Variants in PSD2 observed in about 807,000 individuals in gnomAD.
PSD2 encodes the protein pleckstrin and Sec7 domain containing 2, also known as PH and SEC7 domain-containing protein 2.
In PSD2, 38 loss-of-function variants were observed where a neutral mutation model predicts 69.8. The observed-to-expected ratio is 0.54, with a 90% CI of 0.42 to 0.71. PSD2 has a LOEUF of 0.71. Among genes scored for constraint, PSD2 ranks in the 30% least tolerant of loss-of-function variants. The pLI is 0.00. For missense variants in PSD2, 943 were observed against 1,014.5 expected (o/e 0.93, Z 0.96); for synonymous variants, 412 against 423.0 (o/e 0.97, Z 0.32).
intron 14 of PSD2, among the ~76,000 whole-genome samples, chr5:139,842,040 G>A (rs756795024): frequency 3.3e-5 from 5 of 152,084 alleles, no homozygotes; most frequent in Non-Finnish European, 7.4e-5. Context: ...TGTTGCCTGG[G>A]TTTTTGGTGT....
chr5:139,766,911 T>C, the PSD2 span, among the ~76,000 whole-genome samples: 1,512 of 31,014 alleles, frequency 0.049, 88 homozygotes, highest in African/African-American at 0.11. Flanking sequence ...TTCCCTCCCT[T>C]CCTTCCTTCC....
At chr5:139,744,683 C>T in the PSD2 span, among the ~76,000 whole-genome samples, 5 of 152,186 alleles carry the variant, frequency 3.3e-5, no homozygotes, top group East Asian at 1.9e-4. Context: ...TGCAGCTCCC[C>T]GCTCCTGCCC....
rs1760816811 is a variant in PSD2, at chr5:139,839,446, T to TCATA, written c.1969-578_1969-575dup. 6.6e-6 allele frequency among the ~76,000 whole-genome samples: 1 copy of TCATA among 152,232 alleles called. No individual in the cohort carries two copies. Among genetic ancestry groups the TCATA allele is most frequent in the East Asian group, 1.9e-4 (1 of 5,190 alleles). On this transcript the variant is annotated intron_variant, in intron 13 of 14. Transcript: ENST00000274710. This position sits in a 1 kb window ranked among gnomAD's most constrained non-coding sequence, Gnocchi z 5.1. Reference sequence around the variant, plus strand: ...CATGTGTAAACACACAGGTGGTGACTCATACACACATGCATGCATGTGCAC... The same window carrying TCATA: ...CATGTGTAAACACACAGGTGGTGACTCATACATACACACATGCATGCATGTGCAC...
At chr5:139,819,682 G>T (rs1361301644) in intron 5 of PSD2, among the ~76,000 whole-genome samples, 1 of 152,106 alleles carries the variant, frequency 6.6e-6, no homozygotes, top group Admixed American at 6.5e-5. Flanking sequence ...TGTCTTTGTT[G>T]CCTCAGCAAT....
intron 4 of PSD2, among the ~76,000 whole-genome samples, chr5:139,815,933 G>A (rs1475142392): frequency 6.8e-6 from 1 of 148,090 alleles, no homozygotes; most frequent in Non-Finnish European, 1.5e-5. Flanking sequence ...GGCGGAGGTT[G>A]CAGTGAGCCA....
intron 1 of PSD2, among the ~76,000 whole-genome samples, chr5:139,802,160 C>G (rs545074940): frequency 6.8e-6 from 1 of 146,338 alleles, no homozygotes; most frequent in African/African-American, 2.6e-5. Flanking sequence ...GATGAAGAGA[C>G]GCTACATAAC....
chr5:139,839,508 G>T lies in PSD2; in HGVS notation c.1969-519G>T, dbSNP rs567286330. On this transcript the variant is annotated intron_variant, in intron 13 of 14. Transcript: ENST00000274710. The surrounding 1 kb of genome is among the most constrained non-coding windows in gnomAD (Gnocchi z 5.1). ...GGGCCTGGCTGGCCTGTAGTGGGTGGGATGTGTGCGTTTGCCCATCAGCGA... is the reference window on the plus strand; with the variant it reads ...GGGCCTGGCTGGCCTGTAGTGGGTGTGATGTGTGCGTTTGCCCATCAGCGA... Among the ~76,000 whole-genome samples the T allele has an allele frequency of 6.6e-6, 1 of 152,352 alleles. No homozygotes were observed. The highest frequency in any genetic ancestry group is 2.4e-5 in the African/African-American group (1 of 41,582).
At chr5:139,781,958 C>A in the PSD2 span, among the ~76,000 whole-genome samples, 2 of 152,034 alleles carry the variant, frequency 1.3e-5, no homozygotes, top group South Asian at 4.2e-4. Flanking sequence ...TCTGAAATCG[C>A]ACACACACAC....
the PSD2 span, among the ~76,000 whole-genome samples, chr5:139,790,001 G>T: frequency 6.6e-6 from 1 of 152,126 alleles, no homozygotes; most frequent in South Asian, 2.1e-4. Context: ...GGCCGGGCGG[G>T]CGCTGAGGTG....
rs369528363 is a variant in PSD2 at position 139,838,614 on chromosome 5, C to G, written c.1824-14C>G. ...GTGTGAGAGGCCGGCACCCTCTCCC[C>G]CTCCTGTCCCCAGGAGCAAGGAAGA... On this transcript the variant is annotated splice_polypyrimidine_tract_variant and intron_variant, in intron 12 of 14. Coordinates refer to ENST00000274710, the MANE Select transcript of PSD2 (RefSeq NM_032289.4). 2.8e-5 allele frequency: 45 copies of G among 1,607,182 alleles called. No individual in the cohort carries two copies. Among genetic ancestry groups the G allele is most frequent in the Non-Finnish European group, 3.7e-5 (44 of 1,174,656 alleles).
intron 1 of PSD2, 76 bp from the exon 2 acceptor site, chr5:139,809,315 T>C: frequency 1.7e-6 from 2 of 1,169,632 alleles, no homozygotes; most frequent in Non-Finnish European, 2.4e-6. Context: ...GCTCTGCCAC[T>C]GGTTCTGCTG....
intron 1 of PSD2, among the ~76,000 whole-genome samples, chr5:139,801,400 A>T (rs1436938357): frequency 1.3e-5 from 2 of 152,086 alleles, no homozygotes; most frequent in East Asian, 3.9e-4. Flanking sequence ...TCTCAGTCTT[A>T]TTGGCAGCAT....
chr5:139,781,422 A>T, the PSD2 span, among the ~76,000 whole-genome samples: 2 of 146,132 alleles, frequency 1.4e-5, no homozygotes, highest in African/African-American at 5.1e-5. Context: ...TGCAAGCTCC[A>T]CCTCCTGGGT....
the PSD2 span, among the ~76,000 whole-genome samples, chr5:139,762,201 C>A: frequency 6.6e-6 from 1 of 151,940 alleles, no homozygotes; most frequent in African/African-American, 2.4e-5. Context: ...CACCACCATG[C>A]CTGGCTAATT....
At chr5:139,815,145 C>T (rs935200425) in intron 4 of PSD2, among the ~76,000 whole-genome samples, 12 of 152,096 alleles carry the variant, frequency 7.9e-5, no homozygotes, top group Non-Finnish European at 1.2e-4. Context: ...GCCCTGAGGG[C>T]GGCTCAGGTC....
chr5:139,842,583 G>A lies in PSD2; in HGVS notation c.*109G>A. The A allele has an allele frequency of 1.0e-6, 1 of 960,746 alleles. No homozygotes were observed. The highest frequency in any genetic ancestry group is 1.6e-6 in the Non-Finnish European group (1 of 627,466). 59.5% of individuals were successfully genotyped at this position (960,746 alleles called of 1,614,324 possible). ...CCAAGCTCCAGTCAGTTGATGGGCA[G>A]CTAGAGGGGTGCAGAAAGCCTGTGG... On this transcript the variant is annotated 3_prime_UTR_variant, in exon 15 of 15. Coordinates refer to ENST00000274710, the MANE Select transcript of PSD2 (RefSeq NM_032289.4).
chr5:139,745,531 C>T, the PSD2 span, among the ~76,000 whole-genome samples: 1 of 152,230 alleles, frequency 6.6e-6, no homozygotes, highest in Non-Finnish European at 1.5e-5. Flanking sequence ...TGGGCGGGGC[C>T]GACGCAGTGG....
At chr5:139,762,587 G>C in the PSD2 span, among the ~76,000 whole-genome samples, 1 of 152,328 alleles carries the variant, frequency 6.6e-6, no homozygotes, top group South Asian at 2.1e-4. Context: ...CCTATTGTTA[G>C]TTGAAGTACC....
At chr5:139,834,868 A>G (rs1445262308) in intron 8 of PSD2, among the ~76,000 whole-genome samples, 4 of 151,492 alleles carry the variant, frequency 2.6e-5, no homozygotes, top group African/African-American at 9.7e-5. Context: ...CCATCCACTC[A>G]TCCTCCCATG....
Sources: gnomAD v4.1 joint callset for allele counts (sites outside exome capture counted in the v4.1 genomes callset) on GRCh38, gnomAD v4.1.1 for gene constraint, Gnocchi (gnomAD v3.1) non-coding constraint, MANE v1.5 for transcripts, NCBI Gene and HGNC (gene_info 2026-07-23, HGNC 2026-07-21) for gene names.